Variants in PARD3 observed in about 807,000 individuals in gnomAD.
PARD3 encodes the protein partitioning defective 3 homolog.
Under a neutral mutation model 155.4 loss-of-function variants are expected in PARD3, and 75 were observed. That is an observed-to-expected ratio of 0.48 (90% confidence interval 0.40 to 0.58). The LOEUF is 0.58. Among genes scored for constraint, PARD3 ranks in the 20% least tolerant of loss-of-function variants. The pLI is 0.00. For missense variants in PARD3, 1,642 were observed against 1,721.7 expected, an observed-to-expected ratio of 0.95 and a Z score of 0.82; for synonymous variants, 576 against 610.5, an observed-to-expected ratio of 0.94 and a Z score of 0.83.
At chr10:34,286,356 G>GTC (rs1427364709) in intron 20 of PARD3, among the ~76,000 whole-genome samples, 1 of 151,424 alleles carries the variant, frequency 6.6e-6, no homozygotes, top group Admixed American at 6.6e-5. Context: ...TTATACTCAG[G>GTC]TAACGAATTA....
intron 3 of PARD3, 59 bp downstream of exon 3, chr10:34,516,920 A>G (rs552318975): frequency 2.1e-5 from 31 of 1,504,356 alleles, no homozygotes; most frequent in Non-Finnish European, 2.7e-5. Flanking sequence ...ATGAATAACA[A>G]AAGTTGGTAT....
At chr10:34,613,846 C>T (rs563961456) in intron 2 of PARD3, among the ~76,000 whole-genome samples, 2 of 152,322 alleles carry the variant, frequency 1.3e-5, no homozygotes, top group East Asian at 3.9e-4. Flanking sequence ...TTTCTAATAA[C>T]TTTAATTTTT....
intron 14 of PARD3, among the ~76,000 whole-genome samples, 173 bp downstream of exon 14, chr10:34,358,974 A>T (rs1318432575): frequency 6.6e-6 from 1 of 152,244 alleles, no homozygotes; most frequent in Non-Finnish European, 1.5e-5. Flanking sequence ...TGATCACAAG[A>T]ATTAAGAACA....
At chr10:34,764,230 A>T (rs1411457505) in intron 1 of PARD3, among the ~76,000 whole-genome samples, 1 of 152,192 alleles carries the variant, frequency 6.6e-6, no homozygotes, top group Non-Finnish European at 1.5e-5. Flanking sequence ...GAAAATGGGC[A>T]ACCTAGGATT....
chr10:34,411,092 C>T (rs1045015866), intron 5 of PARD3, among the ~76,000 whole-genome samples: 9 of 152,116 alleles, frequency 5.9e-5, no homozygotes, highest in African/African-American at 2.2e-4. Context: ...TGTTAGCTTG[C>T]AAGTAGGATA....
intron 2 of PARD3, chr10:34,675,723 C>T (rs1181700496): frequency 6.0e-5 from 11 of 184,330 alleles, no homozygotes; most frequent in Non-Finnish European, 1.1e-4. Context: ...TACACAACTT[C>T]AACCAACCTT....
intron 1 of PARD3, among the ~76,000 whole-genome samples, chr10:34,793,850 A>G (rs966545648): frequency 6.6e-6 from 1 of 152,170 alleles, no homozygotes; most frequent in East Asian, 1.9e-4. Context: ...TGCAATATTC[A>G]TGAACCAGGA....
At chr10:34,393,495 C>T (rs1349076762) in intron 7 of PARD3, among the ~76,000 whole-genome samples, 4 of 151,752 alleles carry the variant, frequency 2.6e-5, no homozygotes, top group African/African-American at 9.7e-5. Context: ...GTGGAAAAAT[C>T]ACCTAAGCCC....
intron 1 of PARD3, among the ~76,000 whole-genome samples, chr10:34,760,755 TGAG>T (rs1320157488): frequency 1.1e-4 from 16 of 152,190 alleles, no homozygotes; most frequent in Non-Finnish European, 1.2e-4. Context: ...CTGCATGTGG[TGAG>T]GAGTTGACAC....
At chr10:34,225,775 G>A (rs1251529156) in intron 22 of PARD3, among the ~76,000 whole-genome samples, 1 of 152,120 alleles carries the variant, frequency 6.6e-6, no homozygotes, top group Non-Finnish European at 1.5e-5. Context: ...AGCTAAAACT[G>A]TAAAACTTCT....
intron 22 of PARD3, among the ~76,000 whole-genome samples, chr10:34,246,792 G>A (rs959429878): frequency 9.2e-5 from 14 of 152,126 alleles, no homozygotes; most frequent in East Asian, 3.9e-4. Flanking sequence ...GGAGGGCTAC[G>A]CCTTGGAAAT....
At chr10:34,614,287 C>T (rs569436016) in intron 2 of PARD3, among the ~76,000 whole-genome samples, 4 of 151,904 alleles carry the variant, frequency 2.6e-5, no homozygotes, top group Admixed American at 2.6e-4. Context: ...TCAGAGTTGG[C>T]GCTAAAAAAA....
chr10:34,750,030 T>TACACACAC (rs71984849), intron 1 of PARD3, among the ~76,000 whole-genome samples: 202 of 140,794 alleles, frequency 1.4e-3, no homozygotes, highest in African/African-American at 4.4e-3. Context: ...TCAAAAAAAG[T>TACACACAC]ACACACACAC....
chr10:34,402,886 A>C (rs1003002660), intron 5 of PARD3, among the ~76,000 whole-genome samples: 1 of 152,224 alleles, frequency 6.6e-6, no homozygotes, highest in Non-Finnish European at 1.5e-5. Context: ...TTCATTTATA[A>C]TCTCGGCCAC....
chr10:34,582,555 T>C (rs1414554630), intron 2 of PARD3, among the ~76,000 whole-genome samples: 1 of 152,208 alleles, frequency 6.6e-6, no homozygotes, highest in Non-Finnish European at 1.5e-5. Flanking sequence ...CTCTTATATA[T>C]ATCTCCACAT....
intron 2 of PARD3, among the ~76,000 whole-genome samples, chr10:34,684,460 A>G (rs1392767916): frequency 6.6e-6 from 1 of 152,120 alleles, no homozygotes; most frequent in Non-Finnish European, 1.5e-5. Flanking sequence ...CTCACAGAAG[A>G]CAACACTGAA....
chr10:34,647,550 T>C (rs770060351), intron 2 of PARD3, among the ~76,000 whole-genome samples: 21 of 152,250 alleles, frequency 1.4e-4, no homozygotes, highest in Admixed American at 5.2e-4. Context: ...ACAGTTTATA[T>C]TCCAAAAAGT....
chr10:34,469,857 A>G (rs1198399957), intron 4 of PARD3, among the ~76,000 whole-genome samples: 1 of 152,170 alleles, frequency 6.6e-6, no homozygotes, highest in Non-Finnish European at 1.5e-5. Flanking sequence ...AAATGGATAT[A>G]TTAATAAGTG....
At chr10:34,753,932 C>T (rs998627403) in intron 1 of PARD3, among the ~76,000 whole-genome samples, 6 of 152,090 alleles carry the variant, frequency 3.9e-5, no homozygotes, top group African/African-American at 1.4e-4. Context: ...AAAGTGGCTT[C>T]CCCTGAATAA....
Sources: gnomAD v4.1 joint callset for allele counts (sites outside exome capture counted in the v4.1 genomes callset) on GRCh38, gnomAD v4.1.1 for gene constraint, MANE v1.5 for transcripts, NCBI Gene and HGNC (gene_info 2026-07-23, HGNC 2026-07-21) for gene names.